Variants in MYLK observed in about 807,000 individuals in gnomAD.
MYLK encodes the protein myosin light chain kinase, smooth muscle.
Under a neutral mutation model 203.4 loss-of-function variants are expected in MYLK, and 106 were observed. That is an observed-to-expected ratio of 0.52 (90% CI 0.45 to 0.61). The LOEUF (loss-of-function observed/expected upper bound fraction) is 0.61, where lower values mean the gene tolerates loss of function less well. Ranked by LOEUF, MYLK falls within the 20% of genes least tolerant of loss-of-function variation. The pLI is 0.00. For missense variants in MYLK, 2,072 were observed against 2,442.3 expected, an observed-to-expected ratio of 0.85 and a Z score of 3.20; for synonymous variants, 867 against 959.5, an observed-to-expected ratio of 0.90 and a Z score of 1.78.
intron 29 of MYLK, among the ~76,000 whole-genome samples, chr3:123,637,311 G>A (rs1037402914): frequency 3.9e-5 from 6 of 152,080 alleles, no homozygotes; most frequent in Non-Finnish European, 5.9e-5. Context: ...CGCAGTCGTT[G>A]AACCAGCACA....
intron 2 of MYLK, among the ~76,000 whole-genome samples, chr3:123,861,321 C>G (rs184905193): frequency 6.8e-4 from 104 of 152,362 alleles, no homozygotes; most frequent in Middle Eastern, 3.4e-3. Context: ...AGCACCATCG[C>G]TCACCAGCAA....
At chr3:123,821,025 G>A (rs112700823) in intron 3 of MYLK, among the ~76,000 whole-genome samples, 22 of 152,174 alleles carry the variant, frequency 1.4e-4, no homozygotes, top group African/African-American at 5.3e-4. Flanking sequence ...CACCACGCCC[G>A]GCTGAGCTAA....
chr3:123,633,335 C>T (rs1167922652), intron 29 of MYLK, among the ~76,000 whole-genome samples: 1 of 152,104 alleles, frequency 6.6e-6, no homozygotes, highest in Non-Finnish European at 1.5e-5. Flanking sequence ...CCATGTTGCC[C>T]AGGCTGGTCT....
intron 29 of MYLK, among the ~76,000 whole-genome samples, chr3:123,631,133 C>T (rs1576368810): frequency 6.6e-6 from 1 of 152,312 alleles, no homozygotes. Flanking sequence ...CGTGGTGGCT[C>T]ATGCCTGTAA....
intron 5 of MYLK, among the ~76,000 whole-genome samples, chr3:123,741,218 A>G (rs757020852): frequency 2.0e-4 from 30 of 152,216 alleles, no homozygotes; most frequent in Non-Finnish European, 3.2e-4. Context: ...GTGTAAGAAC[A>G]TAGGTGTGGA....
chr3:123,713,578 AATGTGTGTGTGTGT>A (rs1240239087), intron 13 of MYLK, among the ~76,000 whole-genome samples: 5 of 74,798 alleles, frequency 6.7e-5, no homozygotes, highest in African/African-American at 2.3e-4. Flanking sequence ...AGAGCAACAC[AATGTGTGTGTGTGT>A]GTGTGTGTGT....
chr3:123,736,093 C>T (rs1366629508), intron 8 of MYLK, among the ~76,000 whole-genome samples: 2 of 152,146 alleles, frequency 1.3e-5, no homozygotes, highest in Admixed American at 1.3e-4. Flanking sequence ...TGTCTGGTGG[C>T]ATCTCCTTAT....
At chr3:123,747,636 C>CAGGCTCTGCTCCAGACCTATGGA (rs1380592815) in intron 5 of MYLK, among the ~76,000 whole-genome samples, 1 of 152,196 alleles carries the variant, frequency 6.6e-6, no homozygotes, top group Non-Finnish European at 1.5e-5. Flanking sequence ...TGCAGACTCC[C>CAGGCTCTGCTCCAGACCTATGGA]AGGCTCTGCT....
chr3:123,821,035 A>T (rs80078555), intron 3 of MYLK, among the ~76,000 whole-genome samples: 3 of 151,988 alleles, frequency 2.0e-5, no homozygotes, highest in Non-Finnish European at 4.4e-5. Context: ...GGCTGAGCTA[A>T]CAGTGATTTT....
chr3:123,849,233 TA>T (rs1227509350), intron 2 of MYLK, among the ~76,000 whole-genome samples: 5 of 152,150 alleles, frequency 3.3e-5, no homozygotes, highest in African/African-American at 4.8e-5. Context: ...CTTGGCCTCC[TA>T]AAGTGCTTGG....
At chr3:123,841,307 G>T (rs1356360581) in intron 2 of MYLK, among the ~76,000 whole-genome samples, 1 of 152,070 alleles carries the variant, frequency 6.6e-6, no homozygotes, top group Non-Finnish European at 1.5e-5. Context: ...AGAAAATCCA[G>T]TTGGCCTAAC....
chr3:123,659,766 G>A, intron 23 of MYLK: 1 of 499,764 alleles, frequency 2.0e-6, no homozygotes. Flanking sequence ...GACTGGGAGG[G>A]AGACCCTGGG....
chr3:123,878,578 C>A (rs572804426), intron 1 of MYLK, among the ~76,000 whole-genome samples: 1 of 152,326 alleles, frequency 6.6e-6, no homozygotes, highest in African/African-American at 2.4e-5. Context: ...ATGAGGGAAC[C>A]AATGTGTATC....
chr3:123,613,465 C>G lies in MYLK; in HGVS notation c.*640G>C, dbSNP rs1391237738. ...ATTTTCCTAAGGAAGCCAGAGTCATCCATGAGCAGGGACCTGTCTTCAGAA... is the reference window on the plus strand; with the variant it reads ...ATTTTCCTAAGGAAGCCAGAGTCATGCATGAGCAGGGACCTGTCTTCAGAA... On this transcript the variant is annotated 3_prime_UTR_variant, in exon 34 of 34. Transcript: ENST00000360304. The G allele has an allele frequency of 1.3e-5, 2 of 152,948 alleles. No homozygotes were observed. The highest frequency in any genetic ancestry group is 6.5e-5 in the Admixed American group (1 of 15,334). 9.5% of individuals were successfully genotyped at this position (152,948 alleles called of 1,614,324 possible).
At chr3:123,739,853 A>G in intron 6 of MYLK, 100 bp downstream of exon 6, 1 of 1,308,966 alleles carries the variant, frequency 7.6e-7, no homozygotes, top group South Asian at 1.2e-5. Context: ...TTTGGTTATT[A>G]TAACCTAGGA....
intron 4 of MYLK, among the ~76,000 whole-genome samples, chr3:123,785,194 C>T (rs1190728654): frequency 2.6e-5 from 4 of 152,346 alleles, no homozygotes; most frequent in South Asian, 2.1e-4. Context: ...GTCCCTCTCA[C>T]GTTTTTAGCG....
chr3:123,864,610 T>C (rs1321139061), intron 2 of MYLK, among the ~76,000 whole-genome samples: 2 of 152,204 alleles, frequency 1.3e-5, no homozygotes, highest in African/African-American at 4.8e-5. Context: ...AAAATTTTTA[T>C]AACAAAATTA....
At chr3:123,827,378 C>T (rs1242003695) in intron 3 of MYLK, among the ~76,000 whole-genome samples, 1 of 151,492 alleles carries the variant, frequency 6.6e-6, no homozygotes, top group African/African-American at 2.4e-5. Flanking sequence ...AAGTCAAAGA[C>T]AAAGAAAGAA....
intron 3 of MYLK, among the ~76,000 whole-genome samples, chr3:123,818,633 T>C (rs1212462479): frequency 2.0e-5 from 3 of 152,122 alleles, no homozygotes; most frequent in Non-Finnish European, 2.9e-5. Context: ...GAGGTTGTAG[T>C]GAGCAGAGAT....
Sources: allele counts gnomAD v4.1 joint callset (sites outside exome capture counted in the v4.1 genomes callset), GRCh38; gene constraint gnomAD v4.1.1; transcripts MANE v1.5; gene names NCBI Gene and HGNC (gene_info 2026-07-23, HGNC 2026-07-21).